Variants in GATA2 observed in about 807,000 individuals in gnomAD.
GATA2 encodes GATA binding protein 2, also known as endothelial transcription factor GATA-2.
GATA2 carries 6 observed loss-of-function variants against 35.7 expected under a neutral mutation model. The ratio of observed to expected loss-of-function variants is 0.17; its 90% CI spans 0.09 to 0.33. The LOEUF is 0.33. GATA2 is among the 10% of genes least tolerant of loss of function. The probability of loss-of-function intolerance (pLI) is 1.00; values close to 1 mark genes in which losing one functional copy is unlikely to be tolerated. For synonymous variants in GATA2, 313 were observed against 274.9 expected (o/e 1.14, Z -1.37); for missense variants, 541 against 656.6 (o/e 0.82, Z 1.92).
chr3:128,483,411 C>T (rs1487186409), intron 4 of GATA2, among the ~76,000 whole-genome samples: 5 of 152,166 alleles, frequency 3.3e-5, no homozygotes, highest in Non-Finnish European at 5.9e-5. Context: ...GTATAGGTGA[C>T]TCCATGGAAA....
At chr3:128,483,011 T>A (rs2068650339) in intron 4 of GATA2, among the ~76,000 whole-genome samples, 1 of 151,660 alleles carries the variant, frequency 6.6e-6, no homozygotes, top group Admixed American at 6.6e-5. Context: ...GAGGGGTGAG[T>A]AAGCAGCCTG....
In GATA2 at chr3:128,481,053, G is replaced by A. The variant is rs1449742251; in HGVS notation, c.1409C>T (p.Pro470Leu). 3 of 1,595,360 alleles carry A rather than the reference G, an allele frequency of 1.9e-6. No individual in the cohort carries two copies. The highest frequency in any genetic ancestry group is 2.6e-6 in the Non-Finnish European group (3 of 1,169,220). ...GGCGGTCACCATGCTGGACGGGTGG[G>A]GGTGGCCGAAGGAGAGGCTGGAGGA... ...HPSSSLSFGHPHPSSMVTAMG is the reference protein window; with the variant it reads ...HPSSSLSFGHLHPSSMVTAMG Residue 470 changes from proline (P) to leucine (L), a missense_variant, in exon 6 of 6, where the codon CCC (proline) becomes CTC (leucine). Coordinates refer to ENST00000341105, the MANE Select transcript of GATA2 (RefSeq NM_032638.5).
intron 1 of GATA2, among the ~76,000 whole-genome samples, chr3:128,491,587 G>A (rs1404930351): frequency 6.6e-6 from 1 of 152,130 alleles, no homozygotes; most frequent in Non-Finnish European, 1.5e-5. Flanking sequence ...CTGCTATAAC[G>A]GCCCCTCCTG....
chr3:128,481,566 G>A (rs1418010641), intron 5 of GATA2, among the ~76,000 whole-genome samples: 3 of 152,104 alleles, frequency 2.0e-5, no homozygotes, highest in Non-Finnish European at 2.9e-5. Flanking sequence ...GCCAACTGAA[G>A]TCCTCCCCCC....
At chr3:128,486,748 T>C (rs945500031) in intron 2 of GATA2, 55 bp downstream of exon 2, 1 of 1,501,026 alleles carries the variant, frequency 6.7e-7, no homozygotes, top group Non-Finnish European at 9.1e-7. Flanking sequence ...CCTCCTCCCC[T>C]CCCTCGCCTG....
chr3:128,483,946 T>A lies in GATA2; in HGVS notation c.931A>T (p.Thr311Ser). Residue 311 changes from threonine (T) to serine (S), a missense_variant, in exon 4 of 6, where the codon ACC (threonine) becomes TCC (serine). Thr to Ser is a moderately conservative substitution (Grantham distance 58). Transcript: ENST00000341105. Reference protein sequence around the residue: ...TATPLWRRDGTGHYLCNACGL... With the variant: ...TATPLWRRDGSGHYLCNACGL... Reference sequence around the variant, plus strand: ...CAGGCATTGCACAGGTAGTGGCCGGTGCCGTCCCGCCGCCAGAGAGGGGTG... The same window carrying A: ...CAGGCATTGCACAGGTAGTGGCCGGAGCCGTCCCGCCGCCAGAGAGGGGTG... The A allele has an allele frequency of 6.2e-7, 1 of 1,613,718 alleles. No homozygotes were observed. The highest frequency in any genetic ancestry group is 8.5e-7 in the Non-Finnish European group (1 of 1,180,010).
chr3:128,486,998 C>G lies in GATA2; in HGVS notation c.34G>C (p.Ala12Pro). ...TGCGCATTCAGCACGGCCGGGTGCG[C>G]CATCCAGCGCGGCTGCTCGGGCGCC... ...EVAPEQPRWM[A>P]HPAVLNAQHP... Residue 12 changes from alanine (A) to proline (P), a missense_variant, in exon 2 of 6, where the codon GCG (alanine) becomes CCG (proline). Ala to Pro is a conservative substitution (Grantham distance 27, BLOSUM62 -1). Coordinates refer to ENST00000341105, the MANE Select transcript of GATA2 (RefSeq NM_032638.5). The G allele has an allele frequency of 6.2e-7, 1 of 1,603,680 alleles. No individual in the cohort carries two copies. Among genetic ancestry groups the G allele is most frequent in the Middle Eastern group, 1.7e-4 (1 of 6,022 alleles).
intron 1 of GATA2, among the ~76,000 whole-genome samples, chr3:128,491,801 C>T (rs2068771496): frequency 6.6e-6 from 1 of 152,162 alleles, no homozygotes; most frequent in Non-Finnish European, 1.5e-5. Context: ...GCCTGGCAGG[C>T]TCCCCGCGGA....
chr3:128,483,732 G>T, intron 4 of GATA2, 128 bp downstream of exon 4: 1 of 1,290,326 alleles, frequency 7.7e-7, no homozygotes, highest in Non-Finnish European at 1.1e-6. Flanking sequence ...TGACATCCCA[G>T]TGCTTTTCAT....
chr3:128,483,544 C>T (rs970286907), intron 4 of GATA2, among the ~76,000 whole-genome samples: 1 of 152,100 alleles, frequency 6.6e-6, no homozygotes, highest in African/African-American at 2.4e-5. Flanking sequence ...TACTTCATGG[C>T]CCTATTTTTA....
In GATA2 at chr3:128,486,151, C is replaced by T; in HGVS notation, c.447G>A (p.Gly149=). ...SVYPGAGGGS[G]GGSGSSVASL... is the part of the protein sequence containing the mutation. ...AGGCCACTGAGCTCCCGCTGCCTCCCCCGCTCCCACCCCCAGCCCCTGGGT... is the reference window on the plus strand; with the variant it reads ...AGGCCACTGAGCTCCCGCTGCCTCCTCCGCTCCCACCCCCAGCCCCTGGGT... The change falls in exon 3 of 6, where the codon GGG becomes GGA. Residue 149 remains glycine (G), a synonymous_variant. Transcript: ENST00000341105. 6.3e-7 allele frequency: 1 copy of T among 1,580,992 alleles called. No individual in the cohort carries two copies.
In GATA2 at chr3:128,486,025, C is replaced by T. The variant is rs1060503832; in HGVS notation, c.573G>A (p.Ala191=). 1.2e-6 allele frequency: 2 copies of T among 1,614,118 alleles called. No individual in the cohort carries two copies. Among genetic ancestry groups the T allele is most frequent in the Non-Finnish European group, 1.7e-6 (2 of 1,180,004 alleles). The change falls in exon 3 of 6, where the codon GCG becomes GCA. Residue 191 remains alanine (A), a synonymous_variant. Transcript: ENST00000341105. ...VSPDPSTTGA[A]SPASSSAGGS... is the part of the protein sequence containing the mutation. ...CCCCCGCGGAAGATGAGGCTGGAGACGCAGCCCCCGTGGTGCTAGGGTCAG... is the reference window on the plus strand; with the variant it reads ...CCCCCGCGGAAGATGAGGCTGGAGATGCAGCCCCCGTGGTGCTAGGGTCAG...
chr3:128,485,768 C>A lies in GATA2; in HGVS notation c.830G>T (p.Ser277Ile), dbSNP rs1194571051. The A allele has an allele frequency of 6.2e-7, 1 of 1,614,012 alleles. No individual in the cohort carries two copies. The highest frequency in any genetic ancestry group is 1.1e-5 in the South Asian group (1 of 91,062). The change falls in exon 3 of 6, where the codon AGC becomes ATC. Residue 277 changes from serine (S) to isoleucine (I), a missense_variant. Physicochemically the swap from Ser to Ile is moderately radical, Grantham distance 142 (BLOSUM62 -2). Coordinates refer to ENST00000341105, the MANE Select transcript of GATA2 (RefSeq NM_032638.5). The part of the protein sequence containing the change: ...PGGFLGGPAS[S>I]FTPKQRSKAR... ...CTTGCTGCGCTGCTTAGGGGTGAAG[C>A]TGGAGGCCGGTCCCCCCAGGAAGCC...
chr3:128,482,062 A>C, intron 4 of GATA2, 118 bp from the exon 5 acceptor site: 2 of 1,282,326 alleles, frequency 1.6e-6, no homozygotes, highest in Non-Finnish European at 2.2e-6. Context: ...TAAATCTCAC[A>C]TGGGAATCAA....
In GATA2 at chr3:128,485,918, C is replaced by T. The variant is rs1455317777; in HGVS notation, c.680G>A (p.Ser227Asn). 2.5e-6 allele frequency: 4 copies of T among 1,614,032 alleles called. No homozygotes were observed. The highest frequency in any genetic ancestry group is 3.3e-5 in the Admixed American group (2 of 60,000). The change falls in exon 3 of 6, where the codon AGT becomes AAT. Residue 227 changes from serine to asparagine, a missense_variant. Ser to Asn is a conservative substitution (Grantham distance 46). Transcript: ENST00000341105. ...LTESMKMESG[S>N]PLRPGLATMG... ...AGTAGCTAGGCCTGGGCGCAGGGGACTGCCACTTTCCATCTTCATGCTCTC... is the reference window on the plus strand; with the variant it reads ...AGTAGCTAGGCCTGGGCGCAGGGGATTGCCACTTTCCATCTTCATGCTCTC...
Position 128,486,185 on chromosome 3 carries a change from A to T in GATA2, c.413T>A (p.Leu138His). 6.4e-7 allele frequency: 1 copy of T among 1,563,936 alleles called. No individual in the cohort carries two copies. The highest frequency in any genetic ancestry group is 8.7e-7 in the Non-Finnish European group (1 of 1,154,486). Residue 138 changes from leucine (L) to histidine (H), a missense_variant, in exon 3 of 6, where the codon CTC becomes CAC. Coordinates refer to ENST00000341105, the MANE Select transcript of GATA2 (RefSeq NM_032638.5). ...PSAAGGPGGPLSVYPGAGGGS... is the reference protein window; with the variant it reads ...PSAAGGPGGPHSVYPGAGGGS... ...ACCCCCAGCCCCTGGGTACACAGAG[A>T]GTGGGCCTCCAGGGCCTCCAGCAGC... is the stretch of plus-strand genomic sequence containing the variant.
rs1462031219 is a variant in GATA2, at chr3:128,486,226, C to T, written c.372G>A (p.Thr124=). The part of the protein sequence containing the change: ...NPWTVSPFSK[T]PLHPSAAGGP... ...CTCCAGCAGCTGAGGGGTGCAGTGG[C>T]GTCTTGGAGAAGGGGCTCACGGTCC... Residue 124 remains threonine (T), a synonymous_variant, in exon 3 of 6, where the codon ACG becomes ACA. Coordinates refer to ENST00000341105, the MANE Select transcript of GATA2 (RefSeq NM_032638.5). The T allele has an allele frequency of 6.4e-7, 1 of 1,561,200 alleles. No individual in the cohort carries two copies. Among genetic ancestry groups the T allele is most frequent in the East Asian group, 2.4e-5 (1 of 42,524 alleles).
chr3:128,491,336 C>T (rs1200098620), intron 1 of GATA2, among the ~76,000 whole-genome samples: 2 of 152,130 alleles, frequency 1.3e-5, no homozygotes, highest in African/African-American at 4.8e-5. Context: ...GCTAATTGGC[C>T]CGCGGTGTGG....
In GATA2 at chr3:128,480,502, C is replaced by G. The variant is rs1292264865; in HGVS notation, c.*517G>C. 8.3e-6 allele frequency: 2 copies of G among 242,224 alleles called. No homozygotes were observed. Among genetic ancestry groups the G allele is most frequent in the Non-Finnish European group, 1.6e-5 (2 of 124,162 alleles). The allele number at this position is 242,224 out of a possible 1,614,324, so 15.0% of individuals were successfully genotyped here. A position where few individuals can be genotyped will look rare whatever the true frequency, so the allele number is the denominator to read the frequency against. ...CCACTCTGGCTTTGGCTCAGCCCAGCCTGGAGTTCGGCTATTTCAGAGAGG... is the reference window on the plus strand; with the variant it reads ...CCACTCTGGCTTTGGCTCAGCCCAGGCTGGAGTTCGGCTATTTCAGAGAGG... On this transcript the variant is annotated 3_prime_UTR_variant, in exon 6 of 6. Coordinates refer to ENST00000341105, the MANE Select transcript of GATA2 (RefSeq NM_032638.5).
Sources: allele counts gnomAD v4.1 joint callset (sites outside exome capture counted in the v4.1 genomes callset), GRCh38; gene constraint gnomAD v4.1.1; transcripts MANE v1.5; gene names NCBI Gene and HGNC (gene_info 2026-07-23, HGNC 2026-07-21).